The following DDIAS variants were observed in gnomAD, a reference collection of about 807,000 sequenced individuals.
DDIAS encodes the protein DNA damage induced apoptosis suppressor.
A neutral mutation model predicts 15.7 loss-of-function variants in DDIAS; 14 were observed. The ratio of observed to expected loss-of-function variants is 0.89; its 90% CI spans 0.59 to 1.39. The LOEUF (loss-of-function observed/expected upper bound fraction) is 1.39. Among genes scored for constraint, DDIAS ranks in the 40% most tolerant of loss-of-function variants. The pLI is 0.00. For synonymous variants in DDIAS, 355 were observed against 395.9 expected (o/e 0.90, Z 1.23); for missense variants, 1,035 against 1,130.9 (o/e 0.92, Z 1.22).
intron 3 of DDIAS, among the ~76,000 whole-genome samples, chr11:82,916,691 T>A (rs912451439): frequency 3.9e-5 from 6 of 152,224 alleles, no homozygotes; most frequent in Admixed American, 3.3e-4. Context: ...TTAGTGAGTG[T>A]TTGCTGTACA....
chr11:82,904,386 A>G (rs984461713), intron 1 of DDIAS, among the ~76,000 whole-genome samples: 3 of 152,226 alleles, frequency 2.0e-5, no homozygotes, highest in Non-Finnish European at 2.9e-5. Flanking sequence ...GTTTTTCATA[A>G]ATGATTAAGT....
intron 1 of DDIAS, among the ~76,000 whole-genome samples, chr11:82,903,433 A>T (rs1289986058): frequency 1.3e-5 from 2 of 152,200 alleles, no homozygotes; most frequent in African/African-American, 4.8e-5. Context: ...ATTTACTGAG[A>T]TGTGACCTTC....
chr11:82,905,442 A>G (rs192712729), intron 1 of DDIAS, among the ~76,000 whole-genome samples: 169 of 152,282 alleles, frequency 1.1e-3, no homozygotes, highest in African/African-American at 4.0e-3. Flanking sequence ...TATAAAAGCA[A>G]TACACTTAGA....
intron 1 of DDIAS, among the ~76,000 whole-genome samples, chr11:82,902,542 G>A (rs1860342354): frequency 6.6e-6 from 1 of 152,152 alleles, no homozygotes; most frequent in Admixed American, 6.5e-5. Context: ...TCAGGTTTAA[G>A]CCCAAACTCT....
chr11:82,916,321 A>C, intron 3 of DDIAS, among the ~76,000 whole-genome samples: 1 of 152,142 alleles, frequency 6.6e-6, no homozygotes. Flanking sequence ...AGTATACTTT[A>C]CCTTATTGCA....
chr11:82,916,955 T>A (rs892829069), intron 3 of DDIAS, among the ~76,000 whole-genome samples: 1 of 152,202 alleles, frequency 6.6e-6, no homozygotes, highest in African/African-American at 2.4e-5. Context: ...GTATTCAGAA[T>A]GACATCTTCC....
intron 5 of DDIAS, 72 bp downstream of exon 5, chr11:82,930,346 A>T: frequency 8.5e-7 from 1 of 1,181,444 alleles, no homozygotes. Context: ...GAATTTTCTA[A>T]ATAGTTGTTA....
Position 82,928,785 on chromosome 11 carries a change from G to T in DDIAS, c.122G>T (p.Cys41Phe), listed in dbSNP as rs1476429168. The stretch of plus-strand genomic sequence containing the variant: ...TTCCACCACTTTTCTAGGTCTAATT[G>T]TCCAAAATGTGGCTCTACTGGTGAA... ...RIILVSKRSN[C>F]PKCGSTGESG... Residue 41 changes from cysteine to phenylalanine, a missense_variant, in exon 4 of 6, where the codon TGT (cysteine) becomes TTT (phenylalanine). Coordinates refer to ENST00000533655, the MANE Select transcript of DDIAS (RefSeq NM_145018.4). 2 of 1,612,796 alleles carry T rather than the reference G, an allele frequency of 1.2e-6. No homozygotes were observed. The highest frequency in any genetic ancestry group is 1.1e-5 in the South Asian group (1 of 90,842).
chr11:82,913,983 C>T (rs1320161540), intron 2 of DDIAS: 4 of 430,034 alleles, frequency 9.3e-6, no homozygotes, highest in Non-Finnish European at 1.8e-5. Flanking sequence ...GTTGCCCAGG[C>T]TGAAGTGCCA....
intron 5 of DDIAS, 118 bp downstream of exon 5, chr11:82,930,392 T>G (rs2121366352): frequency 1.4e-6 from 1 of 713,680 alleles, no homozygotes; most frequent in South Asian, 1.9e-5. Flanking sequence ...TAGAAACACT[T>G]TAAACTATGT....
rs1170275747 is a variant in DDIAS at position 82,933,516 on chromosome 11, C to T, written c.2178C>T (p.Asp726=). 2.5e-6 allele frequency: 4 copies of T among 1,613,946 alleles called. No homozygotes were observed. Among genetic ancestry groups the T allele is most frequent in the Non-Finnish European group, 3.4e-6 (4 of 1,179,988 alleles). The change falls in exon 6 of 6, where the codon GAC becomes GAT. Residue 726 remains aspartate (D), a synonymous_variant. Transcript: ENST00000533655. ...TTTCACTGAGATCACTTTCTGAAGA[C>T]TTCATCCAGCCTTCACAAAAATTAT... ...SDFSLRSLSE[D]FIQPSQKLSL...
chr11:82,925,627 A>G (rs1318081991), intron 3 of DDIAS, among the ~76,000 whole-genome samples: 1 of 152,038 alleles, frequency 6.6e-6, no homozygotes, highest in Non-Finnish European at 1.5e-5. Context: ...ATATAGACAG[A>G]TATAAGATAA....
rs748166643 is a variant in DDIAS at position 82,932,813 on chromosome 11, A to G, written c.1475A>G (p.Lys492Arg). The G allele has an allele frequency of 6.2e-7, 1 of 1,613,716 alleles. No homozygotes were observed. Among genetic ancestry groups the G allele is most frequent in the Non-Finnish European group, 8.5e-7 (1 of 1,180,028 alleles). ...GTAATAGTCAAAGCAAACTGTAGCA[A>G]AGATGACTTCCTTTTCAACTGTAAA... ...SQVIVKANCS[K>R]DDFLFNCKGN... The change falls in exon 6 of 6, where the codon AAA (lysine) becomes AGA (arginine). Residue 492 changes from lysine (K) to arginine (R), a missense_variant. By Grantham distance (26) the Lys-to-Arg change is conservative. Transcript: ENST00000533655.
chr11:82,926,320 CTT>C (rs1860861780), intron 3 of DDIAS, among the ~76,000 whole-genome samples: 1 of 152,024 alleles, frequency 6.6e-6, no homozygotes, highest in Non-Finnish European at 1.5e-5. Flanking sequence ...AACTCCTGAG[CTT>C]GAGTGGTCTG....
chr11:82,926,946 A>G (rs1860875107), intron 3 of DDIAS, among the ~76,000 whole-genome samples: 1 of 152,196 alleles, frequency 6.6e-6, no homozygotes, highest in Non-Finnish European at 1.5e-5. Flanking sequence ...TGTCATTGCA[A>G]GCAGTTCTTT....
chr11:82,904,362 C>T (rs899616927), intron 1 of DDIAS, among the ~76,000 whole-genome samples: 1 of 152,196 alleles, frequency 6.6e-6, no homozygotes, highest in Non-Finnish European at 1.5e-5. Flanking sequence ...TTGGTATGTG[C>T]ATGTATGGGC....
chr11:82,926,632 G>T (rs1422887109), intron 3 of DDIAS, among the ~76,000 whole-genome samples: 5 of 152,168 alleles, frequency 3.3e-5, no homozygotes, highest in Non-Finnish European at 7.3e-5. Context: ...ATCTGCATCA[G>T]TATTACCTGG....
In DDIAS at chr11:82,934,139, C is replaced by T; in HGVS notation, c.2801C>T (p.Thr934Ile). 4 of 1,610,380 alleles carry T rather than the reference C, an allele frequency of 2.5e-6. No individual in the cohort carries two copies. In the South Asian group the frequency reaches 3.3e-5, roughly 13 times the overall value. Residue 934 changes from threonine to isoleucine, a missense_variant, in exon 6 of 6, where the codon ACT becomes ATT. Physicochemically the swap from Thr to Ile is moderately conservative, Grantham distance 89. Coordinates refer to ENST00000533655, the MANE Select transcript of DDIAS (RefSeq NM_145018.4). ...GCAGCAGTTGTTACGAAAAAGAAAA[C>T]TCATAAATATAACTGTAAAAGTTCA... is the stretch of plus-strand genomic sequence containing the variant. Reference protein sequence around the residue: ...MLAAVVTKKKTHKYNCKSSGW... With the variant: ...MLAAVVTKKKIHKYNCKSSGW...
intron 3 of DDIAS, among the ~76,000 whole-genome samples, chr11:82,920,937 TTC>T (rs1860733434): frequency 6.6e-6 from 1 of 152,342 alleles, no homozygotes; most frequent in South Asian, 2.1e-4. Context: ...TTTGTTGACT[TTC>T]TGTCTTGATG....
Sources: gnomAD v4.1 joint callset for allele counts (sites outside exome capture counted in the v4.1 genomes callset) on GRCh38, gnomAD v4.1.1 for gene constraint, MANE v1.5 for transcripts, NCBI Gene and HGNC (gene_info 2026-07-23, HGNC 2026-07-21) for gene names.